RGPD4: variants seen among roughly 807,000 people sequenced by gnomAD.
The protein encoded by RGPD4 is ranBP2-like and GRIP domain-containing protein 4.
RGPD4 carries 84 observed loss-of-function variants against 141.1 expected under a neutral mutation model. That is an observed-to-expected ratio of 0.60 (90% CI 0.50 to 0.71). The LOEUF is 0.71. RGPD4 is among the 30% of genes least tolerant of loss of function. RGPD4 has a pLI of 0.00. For missense variants in RGPD4, 918 were observed against 1,622.4 expected (o/e 0.57, Z 7.46); for synonymous variants, 298 against 566.8 (o/e 0.53, Z 6.74).
chr2:107,858,316 A>C (rs1256637195), intron 9 of RGPD4, among the ~76,000 whole-genome samples: 1 of 152,186 alleles, frequency 6.6e-6, no homozygotes, highest in Non-Finnish European at 1.5e-5. Flanking sequence ...ACTGAGACAA[A>C]GGACATGAAC....
intron 1 of RGPD4, among the ~76,000 whole-genome samples, chr2:107,830,385 C>G (rs1387360784): frequency 6.9e-6 from 1 of 145,040 alleles, no homozygotes; most frequent in Non-Finnish European, 1.5e-5. Context: ...TTCTGAGATT[C>G]TTAGTGGGGA....
At chr2:107,845,873 C>A (rs1321423968) in intron 6 of RGPD4, among the ~76,000 whole-genome samples, 1 of 150,314 alleles carries the variant, frequency 6.7e-6, no homozygotes, top group Non-Finnish European at 1.5e-5. Context: ...CCACACCTGG[C>A]TAATTTTTGT....
At chr2:107,887,266 TA>T (rs1468476434) in intron 22 of RGPD4, among the ~76,000 whole-genome samples, 3 of 151,806 alleles carry the variant, frequency 2.0e-5, no homozygotes, top group Non-Finnish European at 2.9e-5. Flanking sequence ...TAAAAAAAAT[TA>T]AGAAATAAAA....
chr2:107,862,035 ATAT>A (rs1209222170), intron 15 of RGPD4, among the ~76,000 whole-genome samples: 27 of 97,588 alleles, frequency 2.8e-4, no homozygotes, highest in South Asian at 7.7e-4. Flanking sequence ...ATCAAAACAA[ATAT>A]TATAACCTCA....
At position 107,865,931 on chromosome 2, in the gene RGPD4, G is replaced by C. The variant is rs534042077; in HGVS notation, c.2470-259G>C. Among the ~76,000 whole-genome samples the C allele has an allele frequency of 5.3e-3, 676 of 127,612 alleles. 1 individual carries two copies. Among genetic ancestry groups the C allele is most frequent in the Middle Eastern group, 0.011 (3 of 268 alleles). 83.7% of individuals were successfully genotyped at this position (127,612 alleles called of 152,430 possible). ...CTATTATACAAAAAATTAGCCTGGC[G>C]TGCTGGCTGACACCTGTAATCCCAG... On this transcript the variant is annotated intron_variant, in intron 17 of 22. Coordinates refer to ENST00000408999, the MANE Select transcript of RGPD4 (RefSeq NM_182588.3).
chr2:107,857,792 G>C (rs1436537666), intron 9 of RGPD4, among the ~76,000 whole-genome samples: 1 of 150,910 alleles, frequency 6.6e-6, no homozygotes, highest in Non-Finnish European at 1.5e-5. Flanking sequence ...AGGAGTTCAA[G>C]ACCATCCTGG....
chr2:107,869,661 G>A (rs968934382), intron 18 of RGPD4, among the ~76,000 whole-genome samples: 13 of 141,920 alleles, frequency 9.2e-5, no homozygotes, highest in East Asian at 6.2e-4. Context: ...TGATCACAGC[G>A]ATGCTATTCT....
chr2:107,888,336 T>C (rs1220826039), intron 22 of RGPD4, among the ~76,000 whole-genome samples: 1 of 149,046 alleles, frequency 6.7e-6, no homozygotes, highest in East Asian at 1.9e-4. Context: ...AAATCTTATA[T>C]TCAGCTTACA....
intron 22 of RGPD4, among the ~76,000 whole-genome samples, chr2:107,889,685 CTG>C (rs1675598765): frequency 6.6e-6 from 1 of 151,996 alleles, no homozygotes; most frequent in African/African-American, 2.4e-5. Context: ...TGGTACGTAA[CTG>C]TGCATTTGTC....
chr2:107,876,569 AT>A (rs1037605316), intron 20 of RGPD4, among the ~76,000 whole-genome samples: 14 of 151,136 alleles, frequency 9.3e-5, no homozygotes, highest in Non-Finnish European at 2.1e-4. Flanking sequence ...CACATTTACA[AT>A]TAGTTGGAGT....
rs546972672 is a variant in RGPD4, at chr2:107,857,946, A to ACTG, written c.1276+982_1276+984dup. ...GGAGGTTGCAGTGAGCCAAGATGAC[A>ACTG]CTGCTGCACTACAGCCTGGGCGACA... On this transcript the variant is annotated intron_variant, in intron 9 of 22. Coordinates refer to ENST00000408999, the MANE Select transcript of RGPD4 (RefSeq NM_182588.3). Among the ~76,000 whole-genome samples the ACTG allele has an allele frequency of 6.9e-3, 1,043 of 152,138 alleles. 37 individuals carry two copies. Among genetic ancestry groups the ACTG allele is most frequent in the African/African-American group, 0.024 (981 of 41,366 alleles).
rs145182420 is a variant in RGPD4 at position 107,888,826 on chromosome 2, G to A, written c.5267-1895G>A. Among the ~76,000 whole-genome samples, 1,106 of 142,124 alleles carry A rather than the reference G, an allele frequency of 7.8e-3. 6 individuals are homozygous for A. Among genetic ancestry groups the A allele is most frequent in the Non-Finnish European group, 0.011 (759 of 66,442 alleles). The allele number at this position is 142,124 out of a possible 152,430, so 93.2% of individuals were successfully genotyped here. On this transcript the variant is annotated intron_variant, in intron 22 of 22. Coordinates refer to ENST00000408999, the MANE Select transcript of RGPD4 (RefSeq NM_182588.3). ...CTCTTCCAACTACCACATAAGTTTG[G>A]AAGTAGATTCTCCAGTCCAGCCTTC...
rs1201938734 is a variant in RGPD4, at chr2:107,872,141, T to G, written c.4137T>G (p.Ile1379Met). 1.2e-6 allele frequency: 2 copies of G among 1,611,442 alleles called. No homozygotes were observed. Among genetic ancestry groups the G allele is most frequent in the East Asian group, 4.5e-5 (2 of 44,874 alleles). ...KDVGQWKERG[I>M]GDIKILQNYD... ...TTGGTCAATGGAAAGAAAGGGGCATTGGTGATATAAAGATTTTACAGAATT... is the reference window on the plus strand; with the variant it reads ...TTGGTCAATGGAAAGAAAGGGGCATGGGTGATATAAAGATTTTACAGAATT... The change falls in exon 20 of 23, where the codon ATT (isoleucine) becomes ATG (methionine). Residue 1379 changes from isoleucine (I) to methionine (M), a missense_variant. By Grantham distance (10) the Ile-to-Met change is conservative (BLOSUM62 1). Transcript: ENST00000408999.
Position 107,871,977 on chromosome 2 carries a change from A to T in RGPD4, c.3973A>T (p.Thr1325Ser), listed in dbSNP as rs535811657. ...TGGCACTGATGAAGAATCTGATGTT[A>T]CTCAAGAAGAAGAGAGAGATGGACA... is the stretch of plus-strand genomic sequence containing the variant. ...SVGTDEESDV[T>S]QEEERDGQYF... The change falls in exon 20 of 23, where the codon ACT (threonine) becomes TCT (serine). Residue 1325 changes from threonine (T) to serine (S), a missense_variant. Physicochemically the swap from Thr to Ser is moderately conservative, Grantham distance 58. Coordinates refer to ENST00000408999, the MANE Select transcript of RGPD4 (RefSeq NM_182588.3). 1.2e-3 allele frequency: 1,963 copies of T among 1,611,510 alleles called. 46 individuals are homozygous for T. The African/African-American group carries it at 0.022, about 18-fold the overall frequency.
chr2:107,826,994 G>A lies in RGPD4; in HGVS notation c.-20G>A, dbSNP rs1221297885. ...CTGAGCGCTGGTTTCACGCGTCTCGGGAGCCAGGTTGGTGGCGCGATGAGT... is the reference window on the plus strand; with the variant it reads ...CTGAGCGCTGGTTTCACGCGTCTCGAGAGCCAGGTTGGTGGCGCGATGAGT... On this transcript the variant is annotated 5_prime_UTR_variant, in exon 1 of 23. Coordinates refer to ENST00000408999, the MANE Select transcript of RGPD4 (RefSeq NM_182588.3). 2.5e-6 allele frequency: 4 copies of A among 1,592,850 alleles called. No individual in the cohort carries two copies. The highest frequency in any genetic ancestry group is 1.3e-5 in the African/African-American group (1 of 74,506).
intron 9 of RGPD4, among the ~76,000 whole-genome samples, chr2:107,858,605 A>AT (rs1260967793): frequency 1.3e-5 from 2 of 151,936 alleles, no homozygotes; most frequent in African/African-American, 2.4e-5. Context: ...TGCTCGGCTA[A>AT]TTTTTTGTAT....
intron 22 of RGPD4, among the ~76,000 whole-genome samples, chr2:107,885,485 A>C (rs1432614982): frequency 2.0e-5 from 3 of 152,228 alleles, no homozygotes; most frequent in Non-Finnish European, 4.4e-5. Flanking sequence ...CCATTGATTT[A>C]GAAGTTCTAA....
chr2:107,857,997 A>G (rs1315257322), intron 9 of RGPD4, among the ~76,000 whole-genome samples: 1 of 151,984 alleles, frequency 6.6e-6, no homozygotes, highest in Non-Finnish European at 1.5e-5. Flanking sequence ...TCAAAAACAA[A>G]AAGTGTTGGA....
At chr2:107,856,137 T>C (rs1311734099) in intron 8 of RGPD4, among the ~76,000 whole-genome samples, 3 of 120,326 alleles carry the variant, frequency 2.5e-5, no homozygotes, top group Non-Finnish European at 5.0e-5. Context: ...CACTGCAAGC[T>C]CCGCCTCCCG....
Sources: allele counts gnomAD v4.1 joint callset (sites outside exome capture counted in the v4.1 genomes callset), GRCh38; gene constraint gnomAD v4.1.1; transcripts MANE v1.5; gene names NCBI Gene and HGNC (gene_info 2026-07-23, HGNC 2026-07-21).